AVEN: variants seen among roughly 807,000 people sequenced by gnomAD.
The protein encoded by AVEN is cell death regulator Aven.
In AVEN, 41 loss-of-function variants were observed where a neutral mutation model predicts 38.1. The observed-to-expected ratio is 1.08, with a 90% confidence interval of 0.84 to 1.40. The LOEUF (loss-of-function observed/expected upper bound fraction) is 1.40, where lower values mean the gene tolerates loss of function less well. Among genes scored for constraint, AVEN ranks in the 40% most tolerant of loss-of-function variants. The pLI, the probability that AVEN is intolerant of heterozygous loss-of-function variation, is 0.00. For missense variants in AVEN, 605 were observed against 438.8 expected, an observed-to-expected ratio of 1.38 and a Z score of -3.38; for synonymous variants, 206 against 171.8, an observed-to-expected ratio of 1.20 and a Z score of -1.56.
chr15:33,992,988 A>G (rs982473337), intron 2 of AVEN, among the ~76,000 whole-genome samples: 11 of 152,256 alleles, frequency 7.2e-5, no homozygotes, highest in African/African-American at 2.7e-4. Flanking sequence ...TATCTCTAAA[A>G]ATAGTGTTTA....
chr15:33,946,379 A>G (rs1894509356), intron 2 of AVEN, among the ~76,000 whole-genome samples: 1 of 152,172 alleles, frequency 6.6e-6, no homozygotes, highest in African/African-American at 2.4e-5. Context: ...GTCCAACACA[A>G]TAAATCACAT....
chr15:34,044,693 G>A (rs1412931332), intron 5 of AVEN, among the ~76,000 whole-genome samples: 3 of 151,874 alleles, frequency 2.0e-5, no homozygotes, highest in African/African-American at 7.3e-5. Context: ...CAGTGTATGC[G>A]TTAAATGGGT....
chr15:33,881,059 A>G (rs1417160381), intron 2 of AVEN, among the ~76,000 whole-genome samples: 1 of 152,224 alleles, frequency 6.6e-6, no homozygotes, highest in East Asian at 1.9e-4. Flanking sequence ...AAATCCTTAC[A>G]GATAAAGAAT....
chr15:33,995,088 C>T (rs1292104621), intron 2 of AVEN, among the ~76,000 whole-genome samples: 1 of 152,138 alleles, frequency 6.6e-6, no homozygotes, highest in African/African-American at 2.4e-5. Flanking sequence ...ACAGCAAGGT[C>T]CTGTCTCTAC....
chr15:33,950,025 T>G (rs1038208652), intron 2 of AVEN, among the ~76,000 whole-genome samples: 1 of 152,178 alleles, frequency 6.6e-6, no homozygotes, highest in Non-Finnish European at 1.5e-5. Flanking sequence ...GGAATATTAT[T>G]TAGCCATAAA....
chr15:33,925,515 C>A (rs543482758), intron 2 of AVEN, among the ~76,000 whole-genome samples: 36 of 152,314 alleles, frequency 2.4e-4, no homozygotes, highest in African/African-American at 8.7e-4. Context: ...GACAGCACTG[C>A]AATGGTATTA....
chr15:33,964,289 G>C (rs1895306561), intron 2 of AVEN, among the ~76,000 whole-genome samples: 1 of 152,154 alleles, frequency 6.6e-6, no homozygotes, highest in Non-Finnish European at 1.5e-5. Context: ...GAGACCTCTA[G>C]TGGTTGTCTG....
chr15:33,950,721 T>C (rs1194646345), intron 2 of AVEN, among the ~76,000 whole-genome samples: 3 of 152,148 alleles, frequency 2.0e-5, no homozygotes, highest in East Asian at 3.9e-4. Context: ...TAAAGTAACT[T>C]CTGGCTGGGT....
chr15:33,945,162 C>T (rs987607672), intron 2 of AVEN, among the ~76,000 whole-genome samples: 6 of 152,172 alleles, frequency 3.9e-5, no homozygotes, highest in Admixed American at 6.5e-5. Flanking sequence ...CAATGTCAAT[C>T]TTGTCATAGA....
At chr15:33,968,126 G>A (rs1248286108) in intron 2 of AVEN, among the ~76,000 whole-genome samples, 558 of 20,796 alleles carry the variant, frequency 0.027, no homozygotes, top group Non-Finnish European at 0.051. Context: ...AAAAAAAAAA[G>A]CTTCTAGCCA....
At chr15:34,012,770 T>C (rs1290771208) in intron 1 of AVEN, among the ~76,000 whole-genome samples, 1 of 152,198 alleles carries the variant, frequency 6.6e-6, no homozygotes, top group African/African-American at 2.4e-5. Context: ...AAAGCATTAC[T>C]GAACTAGAAG....
At chr15:33,993,810 G>A (rs1183872512) in intron 2 of AVEN, among the ~76,000 whole-genome samples, 1 of 142,940 alleles carries the variant, frequency 7.0e-6, no homozygotes, top group Non-Finnish European at 1.5e-5. Flanking sequence ...TGTCACTTTA[G>A]TATTTAAATA....
At chr15:33,990,313 C>A (rs1597320719) in intron 2 of AVEN, among the ~76,000 whole-genome samples, 1 of 152,042 alleles carries the variant, frequency 6.6e-6, no homozygotes, top group Admixed American at 6.5e-5. Flanking sequence ...ACCTGGGAGG[C>A]AGAGGCTGCA....
chr15:33,889,619 G>A (rs919469), intron 2 of AVEN, among the ~76,000 whole-genome samples: 1 of 152,072 alleles, frequency 6.6e-6, no homozygotes, highest in East Asian at 1.9e-4. Context: ...CATCCAACTT[G>A]CCTTCTCATC....
At position 33,887,503 on chromosome 15, in the gene AVEN, G is replaced by C. The variant is rs968132515; in HGVS notation, c.446-11508C>G. 2.0e-5 allele frequency among the ~76,000 whole-genome samples: 3 copies of C among 152,282 alleles called. No homozygotes were observed. In the East Asian group the frequency reaches 5.8e-4, roughly 29 times the overall value. On this transcript the variant is annotated intron_variant, in intron 2 of 5. Coordinates refer to ENST00000306730, the MANE Select transcript of AVEN (RefSeq NM_020371.3). ...TACCTTTCTAGGGGAAAATGGGAAT[G>C]ACTTCAGGAGTGATGATTCTATTTA...
At chr15:33,994,480 A>G (rs956182642) in intron 2 of AVEN, among the ~76,000 whole-genome samples, 9 of 152,200 alleles carry the variant, frequency 5.9e-5, no homozygotes, top group Admixed American at 5.2e-4. Flanking sequence ...TAAATGTAAC[A>G]CGCTTGAATC....
intron 1 of AVEN, among the ~76,000 whole-genome samples, chr15:34,074,187 G>C (rs2140860307): frequency 6.6e-6 from 1 of 150,846 alleles, no homozygotes; most frequent in South Asian, 2.1e-4. Flanking sequence ...TAGTAGAGAT[G>C]GGGTTTGACT....
intron 2 of AVEN, among the ~76,000 whole-genome samples, chr15:33,964,905 C>CT (rs754257622): frequency 1.4e-4 from 22 of 152,126 alleles, no homozygotes; most frequent in Non-Finnish European, 2.8e-4. Context: ...GAGTCTCACG[C>CT]TTAAGTTGAA....
chr15:33,989,178 G>A (rs568229), intron 2 of AVEN, among the ~76,000 whole-genome samples: 141,695 of 152,138 alleles, frequency 0.93, 66,664 homozygotes, highest in Non-Finnish European at 1. Flanking sequence ...TAAAAGAGAA[G>A]ATGAGTTAAT....
Sources: gnomAD v4.1 joint callset for allele counts (sites outside exome capture counted in the v4.1 genomes callset) on GRCh38, gnomAD v4.1.1 for gene constraint, MANE v1.5 for transcripts, NCBI Gene and HGNC (gene_info 2026-07-23, HGNC 2026-07-21) for gene names.